The following PIK3R1 variants were observed in gnomAD, a reference collection of about 807,000 sequenced individuals.
PIK3R1 encodes phosphoinositide-3-kinase regulatory subunit 1, also known as phosphatidylinositol 3-kinase regulatory subunit alpha.
Under a neutral mutation model 98.0 loss-of-function variants are expected in PIK3R1, and 29 were observed. The ratio of observed to expected loss-of-function variants is 0.30; its 90% CI spans 0.22 to 0.40. The LOEUF (loss-of-function observed/expected upper bound fraction) is 0.40. Ranked by LOEUF, PIK3R1 falls within the 10% of genes least tolerant of loss-of-function variation. The pLI is 1.00. For synonymous variants in PIK3R1, 282 were observed against 311.8 expected (o/e 0.90, Z 1.01); for missense variants, 596 against 872.7 (o/e 0.68, Z 3.99).
At chr5:68,225,502 G>A (rs1451363343) in intron 1 of PIK3R1, among the ~76,000 whole-genome samples, 4 of 152,022 alleles carry the variant, frequency 2.6e-5, no homozygotes, top group Non-Finnish European at 5.9e-5. Flanking sequence ...TCTCGTTCTC[G>A]CCGCACATTT....
intron 10 of PIK3R1, 96 bp downstream of exon 10, chr5:68,293,579 A>G: frequency 3.3e-6 from 4 of 1,218,202 alleles, no homozygotes; most frequent in Non-Finnish European, 4.6e-6. Context: ...ACATGTAATC[A>G]AGTCTAAAAA....
chr5:68,255,408 G>A lies in PIK3R1; in HGVS notation c.335-17982G>A, dbSNP rs370741861. ...ACCATCATTATCTGGGTCAGCCTCC[G>A]ATTCAGCCTCATCCTGTGCTTCAGC... On this transcript the variant is annotated intron_variant, in intron 2 of 15. Transcript: ENST00000521381. Among the ~76,000 whole-genome samples, 11 of 152,274 alleles carry A rather than the reference G, an allele frequency of 7.2e-5. No homozygotes were observed. In the East Asian group the frequency reaches 7.7e-4, roughly 11 times the overall value.
chr5:68,224,406 G>A (rs997239131), intron 1 of PIK3R1, among the ~76,000 whole-genome samples: 2 of 152,172 alleles, frequency 1.3e-5, no homozygotes, highest in Admixed American at 1.3e-4. Context: ...GCGAAGTAGA[G>A]TACTATCCCC....
At position 68,290,794 on chromosome 5, in the gene PIK3R1, T is replaced by C. The variant is rs748259370; in HGVS notation, c.917-1465T>C. ...AATATGCCAAGACAGATATAAATTG[T>C]GGCACAGACTTGATGTTTTATATAG... On this transcript the variant is annotated intron_variant, in intron 7 of 15. Coordinates refer to ENST00000521381, the MANE Select transcript of PIK3R1 (RefSeq NM_181523.3). The C allele has an allele frequency of 4.3e-6, 7 of 1,613,290 alleles. No homozygotes were observed. In the African/African-American group the frequency reaches 9.3e-5, roughly 22 times the overall value.
At chr5:68,262,542 A>ATACC (rs1470793655) in intron 2 of PIK3R1, among the ~76,000 whole-genome samples, 1 of 67,040 alleles carries the variant, frequency 1.5e-5, no homozygotes, top group Non-Finnish European at 2.9e-5. Context: ...ATATAGATAC[A>ATACC]TATCTAATGT....
intron 7 of PIK3R1, chr5:68,288,738 G>A: frequency 6.2e-7 from 1 of 1,613,662 alleles, no homozygotes; most frequent in Non-Finnish European, 8.5e-7. Flanking sequence ...CCGTTGAAAT[G>A]CATAACCTGC....
Position 68,292,323 on chromosome 5 carries a change from C to G in PIK3R1, c.981C>G (p.Ser327=). 6.2e-7 allele frequency: 1 copy of G among 1,613,034 alleles called. No individual in the cohort carries two copies. The highest frequency in any genetic ancestry group is 2.2e-5 in the East Asian group (1 of 44,868). ...VANNGMNNNM[S]LQDAEWYWGD... Reference sequence around the variant, plus strand: ...ACAACGGTATGAATAACAATATGTCCTTACAAGATGCTGAATGGTACTGGG... The same window carrying G: ...ACAACGGTATGAATAACAATATGTCGTTACAAGATGCTGAATGGTACTGGG... The change falls in exon 8 of 16, where the codon TCC becomes TCG. Residue 327 remains serine, a synonymous_variant. Transcript: ENST00000521381.
chr5:68,228,887 G>A (rs1484249016), intron 2 of PIK3R1, among the ~76,000 whole-genome samples: 2 of 152,118 alleles, frequency 1.3e-5, no homozygotes, highest in Non-Finnish European at 2.9e-5. Flanking sequence ...TTCCTTATAG[G>A]AAAAGTCATT....
At chr5:68,275,585 T>C (rs6876003) in intron 4 of PIK3R1, among the ~76,000 whole-genome samples, 77,771 of 151,558 alleles carry the variant, frequency 0.51, 22,143 homozygotes, top group African/African-American at 0.78. Context: ...TTCACGTCAA[T>C]GGTACATTTT....
At chr5:68,258,118 C>T (rs925657864) in intron 2 of PIK3R1, among the ~76,000 whole-genome samples, 2 of 152,092 alleles carry the variant, frequency 1.3e-5, no homozygotes, top group African/African-American at 4.8e-5. Context: ...GTTTTAGGAC[C>T]AAGAGCAAGC....
At chr5:68,296,403 T>C in intron 15 of PIK3R1, 62 bp downstream of exon 15, 2 of 1,464,286 alleles carry the variant, frequency 1.4e-6, no homozygotes, top group Non-Finnish European at 1.9e-6. Flanking sequence ...CATTTATTCA[T>C]TCATTGAGTT....
intron 8 of PIK3R1, chr5:68,292,628 G>A: frequency 3.5e-6 from 5 of 1,414,186 alleles, no homozygotes; most frequent in Non-Finnish European, 4.6e-6. Flanking sequence ...AGAACAGAGT[G>A]TGAAGGCACT....
chr5:68,297,381 C>T (rs775955842), intron 15 of PIK3R1, 31 bp from the exon 16 acceptor site: 123 of 1,570,774 alleles, frequency 7.8e-5, no homozygotes, highest in Non-Finnish European at 1.1e-4. Flanking sequence ...TGGACAAGCT[C>T]AAAAGACAGT....
chr5:68,297,597 G>C lies in PIK3R1; in HGVS notation c.2171G>C (p.Arg724Pro), dbSNP rs751430232. The C allele has an allele frequency of 1.9e-6, 3 of 1,613,102 alleles. No individual in the cohort carries two copies. Among genetic ancestry groups the C allele is most frequent in the Non-Finnish European group, 2.5e-6 (3 of 1,179,556 alleles). Residue 724 changes from arginine to proline, a missense_variant, in exon 16 of 16, where the codon CGA becomes CCA. Around this residue, in one of 3 missense-constraint regions of PIK3R1, gnomAD observed 207 missense variants for 361.4 expected, o/e 0.57. Coordinates refer to ENST00000521381, the MANE Select transcript of PIK3R1 (RefSeq NM_181523.3). ...LAYPVYAQQR[R>P] ...TACCCAGTATATGCACAGCAGAGGCGATGAAGCGCTTACTCTTTGATCCTT... is the reference window on the plus strand; with the variant it reads ...TACCCAGTATATGCACAGCAGAGGCCATGAAGCGCTTACTCTTTGATCCTT...
At chr5:68,279,511 G>A in intron 4 of PIK3R1, 91 bp from the exon 5 acceptor site, 1 of 600,384 alleles carries the variant, frequency 1.7e-6, no homozygotes, top group Non-Finnish European at 2.4e-6. Flanking sequence ...TTTTTTTTTT[G>A]TCACATGTGA....
rs1747705367 is a variant in PIK3R1 at position 68,296,225 on chromosome 5, A to G, written c.1869A>G (p.Thr623=). 12 of 1,614,180 alleles carry G rather than the reference A, an allele frequency of 7.4e-6. No homozygotes were observed. Among genetic ancestry groups the G allele is most frequent in the East Asian group, 2.2e-5 (1 of 44,884 alleles). ...DEDLPHHDEK[T]WNVGSSNRNK... is the part of the protein sequence containing the mutation. ...ATTTGCCCCATCATGATGAGAAGAC[A>G]TGGAATGTTGGAAGCAGCAACCGAA... The change falls in exon 15 of 16, where the codon ACA becomes ACG. Residue 623 remains threonine, a synonymous_variant. Coordinates refer to ENST00000521381, the MANE Select transcript of PIK3R1 (RefSeq NM_181523.3).
intron 7 of PIK3R1, chr5:68,288,888 A>C (rs1401396623): frequency 1.2e-6 from 1 of 855,326 alleles, no homozygotes; most frequent in East Asian, 2.5e-5. Flanking sequence ...ATTAGGGGAG[A>C]CACTCCCCCT....
chr5:68,287,907 C>G (rs936874209), intron 7 of PIK3R1, among the ~76,000 whole-genome samples: 1 of 152,122 alleles, frequency 6.6e-6, no homozygotes, highest in Admixed American at 6.5e-5. Context: ...TACTATTGAA[C>G]ATTTTTGTAA....
chr5:68,267,102 A>G (rs831122), intron 2 of PIK3R1, among the ~76,000 whole-genome samples: 133,455 of 152,236 alleles, frequency 0.88, 58,919 homozygotes, highest in African/African-American at 0.97. Context: ...AGAGGAGGAA[A>G]TCCCTTTCTT....
Sources: allele counts gnomAD v4.1 joint callset (sites outside exome capture counted in the v4.1 genomes callset), GRCh38; gene constraint gnomAD v4.1.1; regional missense constraint gnomAD v4.1.1; transcripts MANE v1.5; gene names NCBI Gene and HGNC (gene_info 2026-07-23, HGNC 2026-07-21).